The following CNOT6 variants were observed in gnomAD, a reference collection of about 807,000 sequenced individuals.
CNOT6 encodes the protein CCR4-NOT transcription complex subunit 6, also known as carbon catabolite repression 4 protein.
In CNOT6, 12 loss-of-function variants were observed where a neutral mutation model predicts 61.2. The ratio of observed to expected loss-of-function variants is 0.20; its 90% CI spans 0.13 to 0.32. CNOT6 has a LOEUF of 0.32. Ranked by LOEUF, CNOT6 falls within the 10% of genes least tolerant of loss-of-function variation. The pLI, the probability that CNOT6 is intolerant of heterozygous loss-of-function variation, is 1.00. For synonymous variants in CNOT6, 225 were observed against 240.6 expected (o/e 0.94, Z 0.60); for missense variants, 405 against 663.9 (o/e 0.61, Z 4.28).
chr5:180,514,055 C>T (rs866623219), intron 1 of CNOT6, among the ~76,000 whole-genome samples: 2 of 151,850 alleles, frequency 1.3e-5, no homozygotes, highest in Non-Finnish European at 2.9e-5. Context: ...AGGCTGGTTT[C>T]GAAATCAAAT....
At chr5:180,541,949 G>A (rs1271025592) in intron 2 of CNOT6, among the ~76,000 whole-genome samples, 2 of 151,644 alleles carry the variant, frequency 1.3e-5, no homozygotes, top group African/African-American at 2.4e-5. Context: ...CAAACTCCTG[G>A]CCTCAAGCAA....
At chr5:180,561,804 G>A (rs773297706) in intron 4 of CNOT6, among the ~76,000 whole-genome samples, 1 of 152,146 alleles carries the variant, frequency 6.6e-6, no homozygotes, top group East Asian at 1.9e-4. Context: ...CCTCTTTATT[G>A]CAGGGAGATG....
At chr5:180,499,287 T>C (rs2127688310) in intron 1 of CNOT6, among the ~76,000 whole-genome samples, 1 of 152,370 alleles carries the variant, frequency 6.6e-6, no homozygotes, top group South Asian at 2.1e-4. Flanking sequence ...TTGAGAATAC[T>C]TGTCTTCTGA....
intron 2 of CNOT6, among the ~76,000 whole-genome samples, 154 bp downstream of exon 2, chr5:180,529,542 G>T (rs768176035): frequency 8.5e-4 from 129 of 152,308 alleles, no homozygotes; most frequent in Non-Finnish European, 1.4e-3. Context: ...TATCTTAGAA[G>T]CAGGAAGGTT....
rs1262980376 is a variant in CNOT6 at position 180,510,242 on chromosome 5, A to G, written c.-3+15479A>G. Among the ~76,000 whole-genome samples the G allele has an allele frequency of 2.9e-5, 4 of 139,424 alleles. No individual in the cohort carries two copies. The East Asian group carries it at 8.6e-4, about 30-fold the overall frequency. 91.5% of individuals were successfully genotyped at this position (139,424 alleles called of 152,430 possible). On this transcript the variant is annotated intron_variant, in intron 1 of 11. Transcript: ENST00000261951. ...TTCACAGGTGCAATGATAGCACGCT[A>G]TAGCCTCAAACTCCTGGGCTCAGCC... is the stretch of plus-strand genomic sequence containing the variant.
intron 4 of CNOT6, among the ~76,000 whole-genome samples, chr5:180,557,874 T>C (rs10062660): frequency 0.01 from 1,530 of 152,092 alleles, 25 homozygotes; most frequent in African/African-American, 0.035. Context: ...TACGATTGAG[T>C]TAAAAGATGT....
chr5:180,544,410 TTC>T (rs1279667919), intron 2 of CNOT6, among the ~76,000 whole-genome samples: 1 of 152,262 alleles, frequency 6.6e-6, no homozygotes, highest in African/African-American at 2.4e-5. Context: ...CTGATAACTA[TTC>T]TGTTTCATTT....
chr5:180,572,705 A>G (rs1760811605), intron 11 of CNOT6, among the ~76,000 whole-genome samples: 1 of 147,268 alleles, frequency 6.8e-6, no homozygotes. Flanking sequence ...GTCCGCCGCC[A>G]TACCCAGATC....
In CNOT6 at chr5:180,494,431, G is replaced by C. The variant is rs903883336; in HGVS notation, c.-335G>C. 2 of 154,610 alleles carry C rather than the reference G, an allele frequency of 1.3e-5. No homozygotes were observed. Among genetic ancestry groups the C allele is most frequent in the African/African-American group, 4.8e-5 (2 of 41,550 alleles). 9.6% of individuals were successfully genotyped at this position (154,610 alleles called of 1,614,324 possible). A position where few individuals can be genotyped will look rare whatever the true frequency, so the allele number is the denominator to read the frequency against. On this transcript the variant is annotated 5_prime_UTR_variant, in exon 1 of 12. Coordinates refer to ENST00000261951, the MANE Select transcript of CNOT6 (RefSeq NM_001370472.1). ...TTGTTTGCTTTCAATGAAAACGAGG[G>C]GGGCGCGGAGGAGGAGGCGGCGGCG... is the stretch of plus-strand genomic sequence containing the variant.
At chr5:180,554,419 A>T (rs898994577) in intron 4 of CNOT6, among the ~76,000 whole-genome samples, 1 of 3,454 alleles carries the variant, frequency 2.9e-4, no homozygotes, top group Non-Finnish European at 1.2e-3. Context: ...CTCTGTCTTA[A>T]AAAAAAAAAA....
intron 4 of CNOT6, among the ~76,000 whole-genome samples, chr5:180,563,812 T>C (rs1036677118): frequency 6.6e-6 from 1 of 152,192 alleles, no homozygotes; most frequent in Non-Finnish European, 1.5e-5. Context: ...TTATTTCTCA[T>C]GTACATAAGA....
intron 1 of CNOT6, among the ~76,000 whole-genome samples, chr5:180,510,757 GGTGA>G (rs1462817595): frequency 6.6e-6 from 1 of 152,014 alleles, no homozygotes; most frequent in Non-Finnish European, 1.5e-5. Flanking sequence ...CTGATTTTTG[GGTGA>G]GTGTCTTTTG....
intron 1 of CNOT6, among the ~76,000 whole-genome samples, chr5:180,500,811 G>A (rs758712884): frequency 6.6e-6 from 1 of 152,068 alleles, no homozygotes; most frequent in Non-Finnish European, 1.5e-5. Flanking sequence ...AGTACTCATC[G>A]GGTTATACAG....
chr5:180,521,469 A>G (rs749866409), intron 1 of CNOT6, among the ~76,000 whole-genome samples: 7 of 152,172 alleles, frequency 4.6e-5, no homozygotes, highest in Admixed American at 3.9e-4. Context: ...TGCAATATAC[A>G]TATCTTTTGG....
At chr5:180,507,308 T>C (rs932708667) in intron 1 of CNOT6, among the ~76,000 whole-genome samples, 2 of 152,070 alleles carry the variant, frequency 1.3e-5, no homozygotes, top group African/African-American at 4.8e-5. Context: ...GAACAAGATA[T>C]AGTTTTAGGG....
chr5:180,494,733 A>C lies in CNOT6; in HGVS notation c.-33A>C, dbSNP rs571411575. 6.6e-6 allele frequency: 1 copy of C among 152,394 alleles called. No individual in the cohort carries two copies. Among genetic ancestry groups the C allele is most frequent in the African/African-American group, 2.4e-5 (1 of 41,126 alleles). 9.4% of individuals were successfully genotyped at this position (152,394 alleles called of 1,614,324 possible). Reference sequence around the variant, plus strand: ...GCACTCACAGGGAGGAGGAGGCGGCAGCGGCGGAGGAAGGCGGCGCACCCC... The same window carrying C: ...GCACTCACAGGGAGGAGGAGGCGGCCGCGGCGGAGGAAGGCGGCGCACCCC... On this transcript the variant is annotated 5_prime_UTR_variant, in exon 1 of 12. Coordinates refer to ENST00000261951, the MANE Select transcript of CNOT6 (RefSeq NM_001370472.1).
chr5:180,561,460 ATTCTGT>A (rs1203031581), intron 4 of CNOT6, among the ~76,000 whole-genome samples: 4 of 144,936 alleles, frequency 2.8e-5, no homozygotes, highest in African/African-American at 1.0e-4. Context: ...TGGTTGGGTA[ATTCTGT>A]TTCTGTCATC....
intron 3 of CNOT6, among the ~76,000 whole-genome samples, chr5:180,553,038 T>A (rs1430703298): frequency 6.6e-6 from 1 of 152,206 alleles, no homozygotes; most frequent in East Asian, 1.9e-4. Context: ...CAGTGTGGTC[T>A]GTGACCTGGT....
At chr5:180,517,191 G>A (rs910479539) in intron 1 of CNOT6, among the ~76,000 whole-genome samples, 1 of 152,090 alleles carries the variant, frequency 6.6e-6, no homozygotes, top group Non-Finnish European at 1.5e-5. Context: ...AGGCTGGAGC[G>A]CAATGGCGTG....
Sources: gnomAD v4.1 joint callset for allele counts (sites outside exome capture counted in the v4.1 genomes callset) on GRCh38, gnomAD v4.1.1 for gene constraint, MANE v1.5 for transcripts, NCBI Gene and HGNC (gene_info 2026-07-23, HGNC 2026-07-21) for gene names.